The following ALKBH5 variants were observed in gnomAD, a reference collection of about 807,000 sequenced individuals.
ALKBH5 encodes the protein RNA demethylase ALKBH5.
ALKBH5 carries 2 observed loss-of-function variants against 32.1 expected under a neutral mutation model. The observed-to-expected ratio is 0.06, with a 90% CI of 0.03 to 0.20. The LOEUF is 0.20. Among genes scored for constraint, ALKBH5 ranks in the 10% least tolerant of loss-of-function variants. The pLI, the probability that ALKBH5 is intolerant of heterozygous loss-of-function variation, is 1.00. For synonymous variants in ALKBH5, 300 were observed against 231.7 expected, an observed-to-expected ratio of 1.29 and a Z score of -2.68; for missense variants, 352 against 559.5, an observed-to-expected ratio of 0.63 and a Z score of 3.74.
chr17:18,193,511 C>T (rs2047189626), intron 1 of ALKBH5, among the ~76,000 whole-genome samples: 1 of 151,116 alleles, frequency 6.6e-6, no homozygotes, highest in Non-Finnish European at 1.5e-5. Context: ...TGTGCCACTG[C>T]ACTCCAACCT....
At position 18,208,229 on chromosome 17, in the gene ALKBH5, C is replaced by T; in HGVS notation, c.1018C>T (p.Leu340=). The change falls in exon 4 of 4, where the codon CTG becomes TTG. Residue 340 remains leucine, a synonymous_variant. Coordinates refer to ENST00000399138, the MANE Select transcript of ALKBH5 (RefSeq NM_017758.4). The part of the protein sequence containing the change: ...DPDAAHRPRI[L]EMDKEENRRS... Reference sequence around the variant, plus strand: ...TCCCTTTCCTTGCAGGCCACGGATCCTGGAGATGGACAAGGAAGAGAACCG... The same window carrying T: ...TCCCTTTCCTTGCAGGCCACGGATCTTGGAGATGGACAAGGAAGAGAACCG... 1 of 1,607,084 alleles carries T rather than the reference C, an allele frequency of 6.2e-7. No homozygotes were observed. Among genetic ancestry groups the T allele is most frequent in the South Asian group, 1.1e-5 (1 of 90,674 alleles).
At chr17:18,199,462 CTG>C in intron 2 of ALKBH5, among the ~76,000 whole-genome samples, 1 of 152,340 alleles carries the variant, frequency 6.6e-6, no homozygotes, top group South Asian at 2.1e-4. Context: ...CTAGTGCACT[CTG>C]TGCTTCTGCT....
intron 2 of ALKBH5, among the ~76,000 whole-genome samples, chr17:18,203,797 G>A (rs978555678): frequency 1.3e-5 from 2 of 152,214 alleles, no homozygotes; most frequent in Non-Finnish European, 2.9e-5. Flanking sequence ...GGAAGTGTAG[G>A]GAGGGCAGGA....
At position 18,184,372 on chromosome 17, in the gene ALKBH5, AGCCGCCGCT is replaced by A. The variant is rs746393020; in HGVS notation, c.137_145del (p.Ala46_Ala48del). ...CAGCCGCCGTAGCCGCCGCAGCCGC[AGCCGCCGCT>A]GCCGCCGAACCTTACCCTGTGTCCG... On this transcript the variant is annotated inframe_deletion, in exon 1 of 4. Coordinates refer to ENST00000399138, the MANE Select transcript of ALKBH5 (RefSeq NM_017758.4). The A allele has an allele frequency of 1.6e-5, 25 of 1,517,010 alleles. No individual in the cohort carries two copies. The highest frequency in any genetic ancestry group is 6.2e-5 in the South Asian group (5 of 80,436). The allele number at this position is 1,517,010 out of a possible 1,614,324, so 94.0% of individuals were successfully genotyped here.
At chr17:18,200,887 G>A (rs189195925) in intron 2 of ALKBH5, among the ~76,000 whole-genome samples, 55 of 152,358 alleles carry the variant, frequency 3.6e-4, no homozygotes, top group Non-Finnish European at 7.2e-4. Flanking sequence ...AAAGCTTCAC[G>A]CTGTGCAGAG....
intron 1 of ALKBH5, among the ~76,000 whole-genome samples, chr17:18,194,446 G>A (rs1002030594): frequency 2.0e-5 from 3 of 152,138 alleles, no homozygotes; most frequent in Admixed American, 6.5e-5. Context: ...GAGCCATCAC[G>A]CCCAGCCGGA....
At chr17:18,188,806 T>C (rs1258727334) in intron 1 of ALKBH5, among the ~76,000 whole-genome samples, 5 of 152,172 alleles carry the variant, frequency 3.3e-5, no homozygotes, top group Admixed American at 6.5e-5. Context: ...TAGTGGCTCA[T>C]GCCTGTAATG....
In ALKBH5 at chr17:18,198,321, T is replaced by G. The variant is rs983198285; in HGVS notation, c.851+3286T>G. ...AGGAGATCCCTGTTCATCTGGGGCC[T>G]AGCATGAGGTGCAGCCCAGAGGAGG... On this transcript the variant is annotated intron_variant, in intron 2 of 3. Coordinates refer to ENST00000399138, the MANE Select transcript of ALKBH5 (RefSeq NM_017758.4). 6.6e-5 allele frequency among the ~76,000 whole-genome samples: 10 copies of G among 152,322 alleles called. No individual in the cohort carries two copies. The South Asian group carries it at 1.0e-3, about 16-fold the overall frequency.
chr17:18,188,296 C>T (rs1048098839), intron 1 of ALKBH5, among the ~76,000 whole-genome samples: 3 of 152,244 alleles, frequency 2.0e-5, no homozygotes, highest in African/African-American at 4.8e-5. Context: ...ATCACTGCTA[C>T]GTGGTCTGTG....
In ALKBH5 at chr17:18,208,516, TG is replaced by T; in HGVS notation, c.*121del. 8.4e-7 allele frequency: 1 copy of T among 1,190,840 alleles called. No individual in the cohort carries two copies. The highest frequency in any genetic ancestry group is 1.2e-6 in the Non-Finnish European group (1 of 833,570). The allele number at this position is 1,190,840 out of a possible 1,614,324, so 73.8% of individuals were successfully genotyped here. A position where few individuals can be genotyped will look rare whatever the true frequency, so the allele number is the denominator to read the frequency against. ...TTTGTTTTTTGTTTTTTGTTTTTTT[TG>T]ATTCTATATATTTTTCCTTGGTTTT... On this transcript the variant is annotated 3_prime_UTR_variant, in exon 4 of 4. Coordinates refer to ENST00000399138, the MANE Select transcript of ALKBH5 (RefSeq NM_017758.4).
chr17:18,195,273 A>G (rs1419368918), intron 2 of ALKBH5, among the ~76,000 whole-genome samples: 1 of 152,190 alleles, frequency 6.6e-6, no homozygotes, highest in Admixed American at 6.5e-5. Flanking sequence ...TACGCCCAAT[A>G]TTTGTGGGTA....
Position 18,208,415 on chromosome 17 carries a change from T to C in ALKBH5, c.*19T>C, listed in dbSNP as rs767640083. 12 of 1,610,496 alleles carry C rather than the reference T, an allele frequency of 7.5e-6. 1 individual carries two copies. The African/African-American group carries it at 1.6e-4, about 22-fold the overall frequency. Reference sequence around the variant, plus strand: ...GCACTGAGTCTACCCGCCGCCCTCCTGGGAACTCTGGCTCATCCTTACGTA... The same window carrying C: ...GCACTGAGTCTACCCGCCGCCCTCCCGGGAACTCTGGCTCATCCTTACGTA... On this transcript the variant is annotated 3_prime_UTR_variant, in exon 4 of 4. Transcript: ENST00000399138.
chr17:18,186,585 C>A (rs377003056), intron 1 of ALKBH5, among the ~76,000 whole-genome samples: 3 of 152,148 alleles, frequency 2.0e-5, no homozygotes, highest in East Asian at 3.8e-4. Context: ...CTACTACTCT[C>A]CTTAACACAT....
At chr17:18,196,650 G>C (rs2047206311) in intron 2 of ALKBH5, among the ~76,000 whole-genome samples, 1 of 152,200 alleles carries the variant, frequency 6.6e-6, no homozygotes, top group South Asian at 2.1e-4. Context: ...TACTATCAAT[G>C]TAACTTAACA....
intron 2 of ALKBH5, 86 bp downstream of exon 2, chr17:18,195,121 A>G (rs2047197757): frequency 5.4e-6 from 6 of 1,105,362 alleles, no homozygotes; most frequent in Admixed American, 4.0e-5. Flanking sequence ...CTCAGCTCCT[A>G]TGTATCAGTG....
At position 18,184,052 on chromosome 17, in the gene ALKBH5, C is replaced by G; in HGVS notation, c.-192C>G. 1 of 677,602 alleles carries G rather than the reference C, an allele frequency of 1.5e-6. No homozygotes were observed. Among genetic ancestry groups the G allele is most frequent in the Non-Finnish European group, 2.7e-6 (1 of 374,710 alleles). 42.0% of individuals were successfully genotyped at this position (677,602 alleles called of 1,614,324 possible). ...AGAAGCCCCGTTGTCGCCACCGTTG[C>G]ATGACCCGCCGCTCCTGAGGCCCTA... is the stretch of plus-strand genomic sequence containing the variant. On this transcript the variant is annotated 5_prime_UTR_variant, in exon 1 of 4. Coordinates refer to ENST00000399138, the MANE Select transcript of ALKBH5 (RefSeq NM_017758.4).
Position 18,184,900 on chromosome 17 carries a change from C to G in ALKBH5, c.657C>G (p.Ser219=). ...TCGAGCGCCCCATCGTGTCCGTGTC[C>G]TTCTTTAGCGACTCTGCGCTGTGCT... The part of the protein sequence containing the change: ...HIFERPIVSV[S]FFSDSALCFG... The change falls in exon 1 of 4, where the codon TCC becomes TCG. Residue 219 remains serine (S), a synonymous_variant. Transcript: ENST00000399138. The G allele has an allele frequency of 6.2e-7, 1 of 1,614,238 alleles. No homozygotes were observed. Among genetic ancestry groups the G allele is most frequent in the South Asian group, 1.1e-5 (1 of 91,090 alleles).
At chr17:18,198,252 A>T (rs1419690551) in intron 2 of ALKBH5, among the ~76,000 whole-genome samples, 1 of 152,164 alleles carries the variant, frequency 6.6e-6, no homozygotes, top group Non-Finnish European at 1.5e-5. Flanking sequence ...CACAGCTCAT[A>T]CGCTTGCCAT....
rs756235928 is a variant in ALKBH5 at position 18,208,509 on chromosome 17, T to G, written c.*113T>G. On this transcript the variant is annotated 3_prime_UTR_variant, in exon 4 of 4. Transcript: ENST00000399138. ...GGGGGTTTTTGTTTTTTGTTTTTTG[T>G]TTTTTTTGATTCTATATATTTTTCC... 5.1e-6 allele frequency: 6 copies of G among 1,188,036 alleles called. No homozygotes were observed. The African/African-American group carries it at 8.7e-5, about 17-fold the overall frequency. 73.6% of individuals were successfully genotyped at this position (1,188,036 alleles called of 1,614,324 possible). A position where few individuals can be genotyped will look rare whatever the true frequency, so the allele number is the denominator to read the frequency against.
Sources: allele counts gnomAD v4.1 joint callset (sites outside exome capture counted in the v4.1 genomes callset), GRCh38; gene constraint gnomAD v4.1.1; transcripts MANE v1.5; gene names NCBI Gene and HGNC (gene_info 2026-07-23, HGNC 2026-07-21).